The following ZNF148 variants were observed in gnomAD, a reference collection of about 807,000 sequenced individuals.
The protein encoded by ZNF148 is zinc finger protein 148.
In ZNF148, 7 loss-of-function variants were observed where a neutral mutation model predicts 67.7. The ratio of observed to expected loss-of-function variants is 0.10; its 90% confidence interval spans 0.06 to 0.19. ZNF148 has a LOEUF of 0.19. ZNF148 is among the 10% of genes least tolerant of loss of function. The probability of loss-of-function intolerance (pLI) is 1.00; values close to 1 mark genes in which losing one functional copy is unlikely to be tolerated. For synonymous variants in ZNF148, 333 were observed against 330.7 expected (o/e 1.01, Z -0.08); for missense variants, 583 against 947.1 (o/e 0.62, Z 5.05).
chr3:125,352,616 T>C (rs1043751013), intron 1 of ZNF148, among the ~76,000 whole-genome samples: 2 of 146,602 alleles, frequency 1.4e-5, no homozygotes, highest in Non-Finnish European at 3.0e-5. Flanking sequence ...AAGATCTAAG[T>C]AAACGGAGAA....
At position 125,274,527 on chromosome 3, in the gene ZNF148, A is replaced by G. The variant is rs1212507449; in HGVS notation, c.667+3199T>C. Among the ~76,000 whole-genome samples, 4 of 152,214 alleles carry G rather than the reference A, an allele frequency of 2.6e-5. No individual in the cohort carries two copies. The East Asian group carries it at 7.7e-4, about 29-fold the overall frequency. ...GTGTTTCATAGACAAGCCCAAATGT[A>G]GGAAATGGAATTAAATAATAGCCTG... On this transcript the variant is annotated intron_variant, in intron 7 of 8. Coordinates refer to ENST00000360647, the MANE Select transcript of ZNF148 (RefSeq NM_021964.3).
chr3:125,314,653 A>C (rs368250317), intron 3 of ZNF148, among the ~76,000 whole-genome samples: 1 of 152,242 alleles, frequency 6.6e-6, no homozygotes, highest in African/African-American at 2.4e-5. Context: ...ATAACTTGCT[A>C]ATCTTTCTTC....
In ZNF148 at chr3:125,338,659, CAA is replaced by C. The variant is rs757727396; in HGVS notation, c.-233-7423_-233-7422del. 6.9e-3 allele frequency among the ~76,000 whole-genome samples: 351 copies of C among 51,140 alleles called. 1 individual carries two copies. Among genetic ancestry groups the C allele is most frequent in the African/African-American group, 0.026 (321 of 12,224 alleles). The allele number at this position is 51,140 out of a possible 152,430, so 33.5% of individuals were successfully genotyped here. A position where few individuals can be genotyped will look rare whatever the true frequency, so the allele number is the denominator to read the frequency against. On this transcript the variant is annotated intron_variant, in intron 1 of 8. Transcript: ENST00000360647. ...TGAGTGACAGAGTGAGACCCTGTCT[CAA>C]AAAAAAAAAAAAAAAAAAAAAACTA... is the stretch of plus-strand genomic sequence containing the variant.
intron 4 of ZNF148, among the ~76,000 whole-genome samples, chr3:125,304,906 A>G (rs1939792184): frequency 6.6e-6 from 1 of 152,218 alleles, no homozygotes; most frequent in African/African-American, 2.4e-5. Context: ...AAAGGACAAG[A>G]TAAGCCTAGA....
At chr3:125,265,031 A>G (rs1320642279) in intron 7 of ZNF148, among the ~76,000 whole-genome samples, 1 of 152,238 alleles carries the variant, frequency 6.6e-6, no homozygotes, top group South Asian at 2.1e-4. Flanking sequence ...GTAAACTTCA[A>G]GTTTATACAC....
intron 4 of ZNF148, among the ~76,000 whole-genome samples, chr3:125,289,721 G>A (rs1938903402): frequency 6.6e-6 from 1 of 152,140 alleles, no homozygotes; most frequent in Non-Finnish European, 1.5e-5. Context: ...CTGTCAGCGT[G>A]TAAATTCCAA....
At chr3:125,313,707 T>TA in intron 3 of ZNF148, 51 bp from the exon 4 acceptor site, 1 of 1,349,568 alleles carries the variant, frequency 7.4e-7, no homozygotes, top group Non-Finnish European at 1.0e-6. Context: ...TTTATATGAC[T>TA]ACTTCATTTT....
chr3:125,278,817 A>C (rs943062699), intron 6 of ZNF148, among the ~76,000 whole-genome samples: 5 of 152,192 alleles, frequency 3.3e-5, no homozygotes, highest in Non-Finnish European at 7.4e-5. Context: ...TTGCACACAC[A>C]AAAAATGAAC....
chr3:125,227,806 G>C lies in ZNF148; in HGVS notation c.*4535C>G, dbSNP rs1935699406. 1 of 152,562 alleles carries C rather than the reference G, an allele frequency of 6.6e-6. No homozygotes were observed. Among genetic ancestry groups the C allele is most frequent in the Non-Finnish European group, 1.5e-5 (1 of 68,000 alleles). 9.5% of individuals were successfully genotyped at this position (152,562 alleles called of 1,614,324 possible). ...GAAGTGGACTAGCAAATCCTTCAAA[G>C]CACATTATATAAATGACTAGCATTT... On this transcript the variant is annotated 3_prime_UTR_variant, in exon 9 of 9. Coordinates refer to ENST00000360647, the MANE Select transcript of ZNF148 (RefSeq NM_021964.3).
At chr3:125,303,354 C>T (rs1560154601) in intron 4 of ZNF148, among the ~76,000 whole-genome samples, 1 of 152,162 alleles carries the variant, frequency 6.6e-6, no homozygotes, top group South Asian at 2.1e-4. Context: ...AGGCCGTGGA[C>T]CAGCACCAAG....
At chr3:125,282,216 C>A (rs4679380) in intron 5 of ZNF148, among the ~76,000 whole-genome samples, 1 of 152,184 alleles carries the variant, frequency 6.6e-6, no homozygotes, top group East Asian at 1.9e-4. Flanking sequence ...ATTTTCTTCC[C>A]CGGTATAGAC....
At chr3:125,259,833 C>A (rs779814813) in intron 7 of ZNF148, among the ~76,000 whole-genome samples, 7 of 152,118 alleles carry the variant, frequency 4.6e-5, no homozygotes, top group Admixed American at 1.3e-4. Context: ...CACAAGAGAC[C>A]TAGCTTTTCA....
At position 125,233,436 on chromosome 3, in the gene ZNF148, C is replaced by A. The variant is rs1321202446; in HGVS notation, c.1290G>T (p.Val430=). The change falls in exon 9 of 9, where the codon GTG becomes GTT. Residue 430 remains valine (V), a synonymous_variant. Coordinates refer to ENST00000360647, the MANE Select transcript of ZNF148 (RefSeq NM_021964.3). The surrounding 1 kb of genome is among the most constrained non-coding windows in gnomAD (Gnocchi z 5.1). ...SKVSKYAFEL[V]DKQALLDSEG... ...CTGAGTCCAGTAAAGCCTGTTTATCCACAAGTTCAAAAGCATACTTTGAAA... is the reference window on the plus strand; with the variant it reads ...CTGAGTCCAGTAAAGCCTGTTTATCAACAAGTTCAAAAGCATACTTTGAAA... 1 of 1,613,930 alleles carries A rather than the reference C, an allele frequency of 6.2e-7. No individual in the cohort carries two copies. Among genetic ancestry groups the A allele is most frequent in the African/African-American group, 1.3e-5 (1 of 75,012 alleles).
intron 4 of ZNF148, among the ~76,000 whole-genome samples, chr3:125,299,637 T>C (rs1165815299): frequency 6.6e-6 from 1 of 152,142 alleles, no homozygotes; most frequent in African/African-American, 2.4e-5. Context: ...TACTGAAAAA[T>C]AGACCATGTT....
In ZNF148 at chr3:125,227,585, T is replaced by C. The variant is rs1316224265; in HGVS notation, c.*4756A>G. 1 of 152,632 alleles carries C rather than the reference T, an allele frequency of 6.6e-6. No individual in the cohort carries two copies. Among genetic ancestry groups the C allele is most frequent in the Non-Finnish European group, 1.5e-5 (1 of 68,018 alleles). 9.5% of individuals were successfully genotyped at this position (152,632 alleles called of 1,614,324 possible). Reference sequence around the variant, plus strand: ...GTAAAATGAGGTTACCTGCTTTATTTGGATACCAAGTTCCCTTCAGACAGC... The same window carrying C: ...GTAAAATGAGGTTACCTGCTTTATTCGGATACCAAGTTCCCTTCAGACAGC... On this transcript the variant is annotated 3_prime_UTR_variant, in exon 9 of 9. Coordinates refer to ENST00000360647, the MANE Select transcript of ZNF148 (RefSeq NM_021964.3).
chr3:125,332,151 G>A (rs188447105), intron 1 of ZNF148, among the ~76,000 whole-genome samples: 19 of 152,152 alleles, frequency 1.2e-4, no homozygotes, highest in Admixed American at 2.6e-4. Flanking sequence ...CTTTATCAAG[G>A]ACTACAAACA....
At chr3:125,266,927 C>T (rs1937543672) in intron 7 of ZNF148, among the ~76,000 whole-genome samples, 1 of 152,052 alleles carries the variant, frequency 6.6e-6, no homozygotes, top group East Asian at 1.9e-4. Flanking sequence ...CACCCCTATA[C>T]ACACAAACTA....
At chr3:125,328,441 CTAAT>C (rs973934406) in intron 2 of ZNF148, among the ~76,000 whole-genome samples, 3 of 151,956 alleles carry the variant, frequency 2.0e-5, no homozygotes, top group Non-Finnish European at 2.9e-5. Context: ...TGAAAATACT[CTAAT>C]TAGCCAGATT....
chr3:125,371,389 G>T, intron 1 of ZNF148, among the ~76,000 whole-genome samples: 1 of 138,596 alleles, frequency 7.2e-6, no homozygotes, highest in Admixed American at 7.4e-5. Flanking sequence ...GGGGGGGGCA[G>T]GGCGAAGTGG....
Sources: gnomAD v4.1 joint callset for allele counts (sites outside exome capture counted in the v4.1 genomes callset) on GRCh38, gnomAD v4.1.1 for gene constraint, Gnocchi (gnomAD v3.1) non-coding constraint, MANE v1.5 for transcripts, NCBI Gene and HGNC (gene_info 2026-07-23, HGNC 2026-07-21) for gene names.